RARA: variants seen among roughly 807,000 people sequenced by gnomAD.
RARA encodes PML-DDX5-RARA fusion.
Under a neutral mutation model 42.8 loss-of-function variants are expected in RARA, and 5 were observed. That is an observed-to-expected ratio of 0.12 (90% confidence interval 0.06 to 0.25). RARA has a LOEUF of 0.25. RARA is among the 10% of genes least tolerant of loss of function. The pLI, the probability that RARA is intolerant of heterozygous loss-of-function variation, is 1.00. For missense variants in RARA, 402 were observed against 628.7 expected, an observed-to-expected ratio of 0.64 and a Z score of 3.86; for synonymous variants, 256 against 259.5, an observed-to-expected ratio of 0.99 and a Z score of 0.13.
chr17:40,341,341 C>G (rs907557832), intron 2 of RARA: 16 of 1,422,152 alleles, frequency 1.1e-5, no homozygotes, highest in Non-Finnish European at 1.5e-5. Flanking sequence ...TGTGTTTGTG[C>G]CAACAGCACC....
chr17:40,314,645 G>A (rs1294483889), intron 1 of RARA, among the ~76,000 whole-genome samples: 1 of 152,108 alleles, frequency 6.6e-6, no homozygotes, highest in Non-Finnish European at 1.5e-5. Context: ...CTTTGCCAGG[G>A]GGCGCATGTA....
At chr17:40,349,476 C>T (rs1290742888) in intron 3 of RARA, 1 of 304,582 alleles carries the variant, frequency 3.3e-6, no homozygotes. Flanking sequence ...AGCCCCATGT[C>T]TTCCTATTTC....
chr17:40,330,021 A>C (rs1239116413), intron 1 of RARA, among the ~76,000 whole-genome samples: 1 of 152,086 alleles, frequency 6.6e-6, no homozygotes, highest in Non-Finnish European at 1.5e-5. Context: ...TTATCTGTGC[A>C]TATCCTCTGG....
At chr17:40,313,696 A>G (rs1481793262) in intron 1 of RARA, among the ~76,000 whole-genome samples, 1 of 152,066 alleles carries the variant, frequency 6.6e-6, no homozygotes, top group African/African-American at 2.4e-5. Context: ...ATGCCACTCA[A>G]CATCTCCTAT....
chr17:40,331,491 G>A (rs999467036), intron 2 of RARA, 95 bp downstream of exon 2: 1 of 1,383,140 alleles, frequency 7.2e-7, no homozygotes, highest in Non-Finnish European at 9.6e-7. Context: ...TGCTGTGAGT[G>A]GAAGGCACGG....
chr17:40,341,621 T>TGG (rs2034045461), intron 2 of RARA: 1 of 1,350,674 alleles, frequency 7.4e-7, no homozygotes, highest in East Asian at 3.1e-5. Flanking sequence ...CAGCGGTGGG[T>TGG]GGGTCACTCG....
In RARA at chr17:40,357,259, C is replaced by G; in HGVS notation, c.*1033C>G. The stretch of plus-strand genomic sequence containing the variant: ...CACTGTGAAGGGGCTGGCCAGGGGC[C>G]CGAGCTGCCCCCACCCCCGGCCTCA... On this transcript the variant is annotated 3_prime_UTR_variant, in exon 9 of 9. Coordinates refer to ENST00000254066, the MANE Select transcript of RARA (RefSeq NM_000964.4). 1 of 237,054 alleles carries G rather than the reference C, an allele frequency of 4.2e-6. No individual in the cohort carries two copies. Among genetic ancestry groups the G allele is most frequent in the Non-Finnish European group, 8.3e-6 (1 of 120,384 alleles). 14.7% of individuals were successfully genotyped at this position (237,054 alleles called of 1,614,324 possible).
chr17:40,321,345 T>A (rs1463270615), intron 1 of RARA, among the ~76,000 whole-genome samples: 2 of 150,434 alleles, frequency 1.3e-5, no homozygotes, highest in Non-Finnish European at 3.0e-5. Flanking sequence ...CTCCCCTCGC[T>A]CCCCCCTAGC....
At chr17:40,350,182 CTG>C in intron 4 of RARA, 1 of 508,060 alleles carries the variant, frequency 2.0e-6, no homozygotes, top group Non-Finnish European at 3.5e-6. Context: ...GCACGTCTGG[CTG>C]TGTGTGCTTG....
rs566814220 is a variant in RARA, at chr17:40,331,067, C to G, written c.-152C>G. 6.7e-6 allele frequency: 6 copies of G among 898,822 alleles called. No individual in the cohort carries two copies. The highest frequency in any genetic ancestry group is 8.2e-6 in the Non-Finnish European group (5 of 609,842). 55.7% of individuals were successfully genotyped at this position (898,822 alleles called of 1,614,324 possible). A position where few individuals can be genotyped will look rare whatever the true frequency, so the allele number is the denominator to read the frequency against. ...TCCAGGAGACTGAGATTAGCCTGCC[C>G]TCTTTGGACAGCAGCTCCAGGACAG... On this transcript the variant is annotated 5_prime_UTR_variant, in exon 2 of 9. Transcript: ENST00000254066.
intron 1 of RARA, among the ~76,000 whole-genome samples, chr17:40,321,303 G>C (rs1265807950): frequency 6.6e-6 from 1 of 151,932 alleles, no homozygotes; most frequent in African/African-American, 2.4e-5. Flanking sequence ...CTCTTGCTTC[G>C]TCTGGATCTT....
chr17:40,336,641 G>A (rs2033859083), intron 2 of RARA, among the ~76,000 whole-genome samples: 1 of 152,058 alleles, frequency 6.6e-6, no homozygotes, highest in Non-Finnish European at 1.5e-5. Context: ...GCCTGCCTCG[G>A]CCTCCCAAAG....
intron 2 of RARA, among the ~76,000 whole-genome samples, chr17:40,332,579 G>A (rs1433360623): frequency 6.6e-6 from 1 of 152,192 alleles, no homozygotes; most frequent in African/African-American, 2.4e-5. Context: ...TGCCCGCACT[G>A]GCTGGGTGCC....
intron 2 of RARA, among the ~76,000 whole-genome samples, chr17:40,338,198 G>A (rs2033914853): frequency 6.6e-6 from 1 of 152,230 alleles, no homozygotes; most frequent in Admixed American, 6.5e-5. Flanking sequence ...TGCTTATGGG[G>A]CTGTACCAGT....
chr17:40,348,823 C>G (rs1183246974), intron 3 of RARA: 3 of 189,042 alleles, frequency 1.6e-5, no homozygotes, highest in Non-Finnish European at 3.3e-5. Flanking sequence ...GCGGCCCTGC[C>G]TGAACCTCAC....
intron 1 of RARA, chr17:40,318,343 C>A (rs1416220551): frequency 4.6e-5 from 7 of 152,342 alleles, no homozygotes; most frequent in Non-Finnish European, 1.0e-4. Flanking sequence ...TGGACGGCTC[C>A]TCTCCCGGGA....
At chr17:40,339,655 T>A (rs777391636) in intron 2 of RARA, among the ~76,000 whole-genome samples, 8 of 152,206 alleles carry the variant, frequency 5.3e-5, no homozygotes, top group Non-Finnish European at 1.0e-4. Context: ...TCCCCCTTGC[T>A]TGCCACACTC....
At position 40,331,325 on chromosome 17, in the gene RARA, C is replaced by T; in HGVS notation, c.107C>T (p.Ser36Phe). The change falls in exon 2 of 9, where the codon TCC becomes TTC. Residue 36 changes from serine to phenylalanine, a missense_variant. Coordinates refer to ENST00000254066, the MANE Select transcript of RARA (RefSeq NM_000964.4). ...TTCCCCCCTATGCTGGGTGGACTCT[C>T]CCCGCCAGGCGCTCTGACCACTCTC... ...FFFPPMLGGL[S>F]PPGALTTLQH... 6.2e-7 allele frequency: 1 copy of T among 1,614,076 alleles called. No homozygotes were observed. The highest frequency in any genetic ancestry group is 8.5e-7 in the Non-Finnish European group (1 of 1,179,986).
chr17:40,324,396 C>G (rs1333728435), intron 1 of RARA, among the ~76,000 whole-genome samples: 1 of 151,966 alleles, frequency 6.6e-6, no homozygotes, highest in Non-Finnish European at 1.5e-5. Context: ...GGCTTCAGTT[C>G]TGGTTCTACG....
Sources: gnomAD v4.1 joint callset for allele counts (sites outside exome capture counted in the v4.1 genomes callset) on GRCh38, gnomAD v4.1.1 for gene constraint, MANE v1.5 for transcripts, NCBI Gene and HGNC (gene_info 2026-07-23, HGNC 2026-07-21) for gene names.